The following CSF3R variants were observed in gnomAD, a reference collection of about 807,000 sequenced individuals.
CSF3R encodes the protein colony stimulating factor 3 receptor.
A neutral mutation model predicts 84.4 loss-of-function variants in CSF3R; 52 were observed. The observed-to-expected ratio is 0.62, with a 90% CI of 0.49 to 0.78. CSF3R has a LOEUF of 0.78. Ranked by LOEUF, CSF3R falls within the 30% of genes least tolerant of loss-of-function variation. The probability of loss-of-function intolerance (pLI) is 0.00; values close to 1 mark genes in which losing one functional copy is unlikely to be tolerated. For synonymous variants in CSF3R, 384 were observed against 429.1 expected, an observed-to-expected ratio of 0.89 and a Z score of 1.30; for missense variants, 890 against 1,055.7, an observed-to-expected ratio of 0.84 and a Z score of 2.17.
rs1650404194 is a variant in CSF3R at position 36,467,527 on chromosome 1, G to A, written c.1958+31C>T. 6.3e-7 allele frequency: 1 copy of A among 1,599,826 alleles called. No homozygotes were observed. Among genetic ancestry groups the A allele is most frequent in the South Asian group, 1.1e-5 (1 of 90,602 alleles). ...CTGAGGTTCCCTGTGGGTGGGGGAA[G>A]CAGGATCTCAGGTCTCTCAAAGGGA... On this transcript the variant is annotated intron_variant, in intron 15 of 16. Transcript: ENST00000373106. The surrounding 1 kb of genome is among the most constrained non-coding windows in gnomAD (Gnocchi z 4.1).
In CSF3R at chr1:36,468,978, C is replaced by A; in HGVS notation, c.1576+178G>T. On this transcript the variant is annotated intron_variant, in intron 12 of 16. Transcript: ENST00000373106. ...CCCTACTCAATTTCTATCCCAGCAC[C>A]TGATTTCTGTCCAGCTGTAGGGATC... The A allele has an allele frequency of 4.9e-6, 3 of 615,908 alleles. No homozygotes were observed. The South Asian group carries it at 5.7e-5, about 12-fold the overall frequency. 38.2% of individuals were successfully genotyped at this position (615,908 alleles called of 1,614,324 possible).
intron 3 of CSF3R, among the ~76,000 whole-genome samples, chr1:36,478,309 A>G (rs1651293704): frequency 6.6e-6 from 1 of 151,754 alleles, no homozygotes; most frequent in Admixed American, 6.6e-5. Context: ...TGAGTGGATC[A>G]CCTGACGTCA....
rs1292513997 is a variant in CSF3R at position 36,467,640 on chromosome 1, GCT to G, written c.1874_1875del (p.Glu625AlafsTer78). 1 of 1,614,096 alleles carries G rather than the reference GCT, an allele frequency of 6.2e-7. No homozygotes were observed. Among genetic ancestry groups the G allele is most frequent in the African/African-American group, 1.3e-5 (1 of 74,938 alleles). ...TLMTLTPEGS[E>X]LHIILGLFGL... is the part of the protein sequence containing the mutation. ...CCGAACAGGCCCAGGATGATGTGTA[GCT>G]CCGACCCCTCTGCAGTGAGGGCAGG... On this transcript the variant is annotated frameshift_variant, in exon 15 of 17. Transcript: ENST00000373106. LOFTEE classifies it high-confidence loss of function. The surrounding 1 kb of genome is among the most constrained non-coding windows in gnomAD (Gnocchi z 4.1).
chr1:36,482,089 G>A (rs1024200252), intron 1 of CSF3R: 1 of 152,538 alleles, frequency 6.6e-6, no homozygotes, highest in African/African-American at 2.4e-5. Flanking sequence ...TGGGGAGGGA[G>A]GAGGGGGCTG....
intron 3 of CSF3R, among the ~76,000 whole-genome samples, chr1:36,476,685 A>C (rs1320837420): frequency 6.7e-6 from 1 of 149,062 alleles, no homozygotes; most frequent in East Asian, 2.0e-4. Flanking sequence ...TTTTTCTTCA[A>C]GTTCTTGCTC....
chr1:36,475,449 C>A lies in CSF3R; in HGVS notation c.289G>T (p.Ala97Ser). 1 of 1,614,162 alleles carries A rather than the reference C, an allele frequency of 6.2e-7. No homozygotes were observed. The part of the protein sequence containing the change: ...ITLPHLNHTQ[A>S]FLSCCLNWGN... ...CAGTTCAGGCAGCAGGAGAGAAAGG[C>A]CTGAGTGTGGTTGAGGTGGGGCAGG... The change falls in exon 4 of 17, where the codon GCC becomes TCC. Residue 97 changes from alanine to serine, a missense_variant. By Grantham distance (99) the Ala-to-Ser change is moderately conservative. Coordinates refer to ENST00000373106, the MANE Select transcript of CSF3R (RefSeq NM_000760.4).
chr1:36,474,981 C>T (rs1354462541), intron 4 of CSF3R, among the ~76,000 whole-genome samples: 7 of 151,852 alleles, frequency 4.6e-5, no homozygotes, highest in Admixed American at 2.6e-4. Context: ...TAGATAAGAG[C>T]TCAATAGGTA....
At position 36,472,662 on chromosome 1, in the gene CSF3R, C is replaced by T. The variant is rs138558210; in HGVS notation, c.698G>A (p.Arg233Gln). Residue 233 changes from arginine to glutamine, a missense_variant, in exon 7 of 17, where the codon CGG (arginine) becomes CAG (glutamine). Arg to Gln is a conservative substitution (Grantham distance 43). Coordinates refer to ENST00000373106, the MANE Select transcript of CSF3R (RefSeq NM_000760.4). The surrounding 1 kb of genome is among the most constrained non-coding windows in gnomAD (Gnocchi z 5.0). ...CGCTTCAGGGCTGGGGTCCATGGTC[C>T]GCAGCATGGGGGGCTCCAGTTTCAC... ...DVVKLEPPML[R>Q]TMDPSPEAAP... is the part of the protein sequence containing the mutation. 1.4e-5 allele frequency: 23 copies of T among 1,605,646 alleles called. No homozygotes were observed. The highest frequency in any genetic ancestry group is 4.0e-5 in the African/African-American group (3 of 74,724).
intron 11 of CSF3R, 93 bp from the exon 12 acceptor site, chr1:36,469,350 T>A: frequency 1.0e-6 from 1 of 986,746 alleles, no homozygotes; most frequent in Non-Finnish European, 1.6e-6. Flanking sequence ...AGGGCTAACC[T>A]GGCCTCATGA....
chr1:36,478,855 A>G (rs1651342333), intron 3 of CSF3R: 1 of 200,646 alleles, frequency 5.0e-6, no homozygotes, highest in Non-Finnish European at 1.0e-5. Flanking sequence ...TGTCTCACAA[A>G]CGAACAAACA....
Position 36,472,790 on chromosome 1 carries a change from T to A in CSF3R, c.674-104A>T. ...TCTGTGGTTCACCATCTGTCCACGTTGCCAATGACACGTTTCTGTGGTTCG... is the reference window on the plus strand; with the variant it reads ...TCTGTGGTTCACCATCTGTCCACGTAGCCAATGACACGTTTCTGTGGTTCG... On this transcript the variant is annotated intron_variant, in intron 6 of 16. Transcript: ENST00000373106. The surrounding 1 kb of genome is among the most constrained non-coding windows in gnomAD (Gnocchi z 5.0). 7 of 1,331,620 alleles carry A rather than the reference T, an allele frequency of 5.3e-6. No homozygotes were observed. In the South Asian group the frequency reaches 1.1e-4, roughly 20 times the overall value. The allele number at this position is 1,331,620 out of a possible 1,614,324, so 82.5% of individuals were successfully genotyped here.
At position 36,472,417 on chromosome 1, in the gene CSF3R, AGCCTTGGATCGCTGG is replaced by A; in HGVS notation, c.844-41_844-27del. The A allele has an allele frequency of 6.2e-7, 1 of 1,613,770 alleles. No homozygotes were observed. Among genetic ancestry groups the A allele is most frequent in the Non-Finnish European group, 8.5e-7 (1 of 1,179,918 alleles). ...CTGGTGAGGGGTGGACAGGACTCTG[AGCCTTGGATCGCTGG>A]GCCATTCTAGGGCCAGCTCGAGCCC... On this transcript the variant is annotated intron_variant, in intron 7 of 16. Transcript: ENST00000373106. The surrounding 1 kb of genome is among the most constrained non-coding windows in gnomAD (Gnocchi z 5.0).
chr1:36,469,940 G>T, intron 10 of CSF3R, 100 bp from the exon 11 acceptor site: 2 of 1,320,764 alleles, frequency 1.5e-6, no homozygotes, highest in South Asian at 1.2e-5. Context: ...TTTACAGGCT[G>T]GGTGACCTTT....
rs539481635 is a variant in CSF3R at position 36,467,771 on chromosome 1, G to T, written c.1864+51C>A. Reference sequence around the variant, plus strand: ...TACTCTCAAAATCAGCATCCTTTGGGTGGGGTACCCTCCAAACAGCCATCT... The same window carrying T: ...TACTCTCAAAATCAGCATCCTTTGGTTGGGGTACCCTCCAAACAGCCATCT... On this transcript the variant is annotated intron_variant, in intron 14 of 16. Coordinates refer to ENST00000373106, the MANE Select transcript of CSF3R (RefSeq NM_000760.4). The surrounding 1 kb of genome is among the most constrained non-coding windows in gnomAD (Gnocchi z 4.1). The T allele has an allele frequency of 6.2e-7, 1 of 1,613,886 alleles. No homozygotes were observed. Among genetic ancestry groups the T allele is most frequent in the Non-Finnish European group, 8.5e-7 (1 of 1,179,872 alleles).
In CSF3R at chr1:36,472,264, C is replaced by T. The variant is rs772453466; in HGVS notation, c.971G>A (p.Ser324Asn). The change falls in exon 8 of 17, where the codon AGC (serine) becomes AAC (asparagine). Residue 324 changes from serine to asparagine, a missense_variant. Coordinates refer to ENST00000373106, the MANE Select transcript of CSF3R (RefSeq NM_000760.4). This position sits in a 1 kb window ranked among gnomAD's most constrained non-coding sequence, Gnocchi z 5.0. ...LPGHWSDWSP[S>N]LELRTTERAP... ...CCGTTCGGTAGTTCTCAGCTCCAGG[C>T]TGGGGCTCCAGTCGCTCCAGTGGCC... 1 of 1,614,092 alleles carries T rather than the reference C, an allele frequency of 6.2e-7. No individual in the cohort carries two copies. The highest frequency in any genetic ancestry group is 1.3e-5 in the African/African-American group (1 of 74,934).
At chr1:36,473,201 G>A in intron 6 of CSF3R, 1 of 580,662 alleles carries the variant, frequency 1.7e-6, no homozygotes, top group Non-Finnish European at 3.1e-6. Context: ...TAGGAAACAC[G>A]CTGAAAGCAT....
At position 36,472,769 on chromosome 1, in the gene CSF3R, T is replaced by G; in HGVS notation, c.674-83A>C. ...TAGCTCCCTCTTGTCTCCCTGTCTG[T>G]GGTTCACCATCTGTCCACGTTGCCA... On this transcript the variant is annotated intron_variant, in intron 6 of 16. Transcript: ENST00000373106. The surrounding 1 kb of genome is among the most constrained non-coding windows in gnomAD (Gnocchi z 5.0). 7.0e-7 allele frequency: 1 copy of G among 1,425,838 alleles called. No individual in the cohort carries two copies. The allele number at this position is 1,425,838 out of a possible 1,614,324, so 88.3% of individuals were successfully genotyped here. A position where few individuals can be genotyped will look rare whatever the true frequency, so the allele number is the denominator to read the frequency against.
Position 36,466,827 on chromosome 1 carries a change from C to T in CSF3R, c.2041G>A (p.Asp681Asn), listed in dbSNP as rs1482964082. ...GSWVPTIMEE[D>N]AFQLPGLGTP... ...CCAAGGCCGGGCAGCTGGAAGGCAT[C>T]CTGCACACAAGGATGTGGGGTGAGA... Residue 681 changes from aspartate (D) to asparagine (N), a missense_variant and splice_region_variant, in exon 17 of 17, where the codon GAT (aspartate) becomes AAT (asparagine). Physicochemically the swap from Asp to Asn is conservative, Grantham distance 23. Coordinates refer to ENST00000373106, the MANE Select transcript of CSF3R (RefSeq NM_000760.4). The surrounding 1 kb of genome is among the most constrained non-coding windows in gnomAD (Gnocchi z 4.6). 2 of 1,614,016 alleles carry T rather than the reference C, an allele frequency of 1.2e-6. No individual in the cohort carries two copies. Among genetic ancestry groups the T allele is most frequent in the African/African-American group, 1.3e-5 (1 of 74,922 alleles).
rs1382959301 is a variant in CSF3R at position 36,466,631 on chromosome 1, G to A, written c.2237C>T (p.Thr746Ile). 6.2e-7 allele frequency: 1 copy of A among 1,614,002 alleles called. No individual in the cohort carries two copies. The highest frequency in any genetic ancestry group is 8.5e-7 in the Non-Finnish European group (1 of 1,179,984). ...CTGCCCATAAAGGACCTGATCGCTG[G>A]TGCCAGACTGGGATTGGGGCTGGGT... is the stretch of plus-strand genomic sequence containing the variant. Reference protein sequence around the residue: ...VSTQPQSQSGTSDQVLYGQLL... With the variant: ...VSTQPQSQSGISDQVLYGQLL... Residue 746 changes from threonine to isoleucine, a missense_variant, in exon 17 of 17, where the codon ACC (threonine) becomes ATC (isoleucine). By Grantham distance (89) the Thr-to-Ile change is moderately conservative. Coordinates refer to ENST00000373106, the MANE Select transcript of CSF3R (RefSeq NM_000760.4). The surrounding 1 kb of genome is among the most constrained non-coding windows in gnomAD (Gnocchi z 4.6).
Sources: allele counts gnomAD v4.1 joint callset (sites outside exome capture counted in the v4.1 genomes callset), GRCh38; gene constraint gnomAD v4.1.1; non-coding constraint Gnocchi (gnomAD v3.1); transcripts MANE v1.5; gene names NCBI Gene and HGNC (gene_info 2026-07-23, HGNC 2026-07-21).